The following INPP5A variants were observed in gnomAD, a reference collection of about 807,000 sequenced individuals.
The protein encoded by INPP5A is inositol polyphosphate-5-phosphatase A, also known as 43 kDa inositol polyphosphate 5-phophatase.
In INPP5A, 14 loss-of-function variants were observed where a neutral mutation model predicts 65.2. That is an observed-to-expected ratio of 0.21 (90% CI 0.14 to 0.34). INPP5A has a LOEUF of 0.34. INPP5A is among the 10% of genes least tolerant of loss of function. The pLI, the probability that INPP5A is intolerant of heterozygous loss-of-function variation, is 1.00. For missense variants in INPP5A, 431 were observed against 545.6 expected, an observed-to-expected ratio of 0.79 and a Z score of 2.09; for synonymous variants, 207 against 208.3, an observed-to-expected ratio of 0.99 and a Z score of 0.05.
intron 1 of INPP5A, among the ~76,000 whole-genome samples, chr10:132,589,514 A>T (rs953039751): frequency 3.9e-5 from 6 of 152,384 alleles, no homozygotes; most frequent in Admixed American, 3.9e-4. Flanking sequence ...CACTGGCCAC[A>T]GCCTCCACTG....
At chr10:132,764,056 T>C (rs1231591918) in intron 11 of INPP5A, among the ~76,000 whole-genome samples, 1 of 152,224 alleles carries the variant, frequency 6.6e-6, no homozygotes, top group East Asian at 1.9e-4. Flanking sequence ...AGGGAGTTGC[T>C]CCCTGGAAGG....
chr10:132,735,474 G>A (rs1024412891), intron 9 of INPP5A, among the ~76,000 whole-genome samples: 18 of 152,234 alleles, frequency 1.2e-4, no homozygotes, highest in African/African-American at 4.3e-4. Flanking sequence ...TGGCACGGGC[G>A]CCCTGGGGCG....
In INPP5A at chr10:132,704,006, T is replaced by C. The variant is rs1469338070; in HGVS notation, c.475-4307T>C. On this transcript the variant is annotated intron_variant, in intron 6 of 15. Coordinates refer to ENST00000368594, the MANE Select transcript of INPP5A (RefSeq NM_005539.5). The surrounding 1 kb of genome is among the most constrained non-coding windows in gnomAD (Gnocchi z 4.5). ...CTTCACCCACACACACACGCACGGC[T>C]TCACCCCCCCACACACGCGTGGCTT... Among the ~76,000 whole-genome samples the C allele has an allele frequency of 9.1e-6, 1 of 110,290 alleles. No individual in the cohort carries two copies. Among genetic ancestry groups the C allele is most frequent in the African/African-American group, 3.6e-5 (1 of 27,552 alleles). 72.4% of individuals were successfully genotyped at this position (110,290 alleles called of 152,430 possible).
intron 8 of INPP5A, among the ~76,000 whole-genome samples, chr10:132,723,666 G>T (rs1458584608): frequency 6.6e-6 from 1 of 151,834 alleles, no homozygotes; most frequent in Non-Finnish European, 1.5e-5. Context: ...TTGGCTGTGT[G>T]GGGATTGGCC....
intron 9 of INPP5A, among the ~76,000 whole-genome samples, chr10:132,737,889 T>C (rs1846205892): frequency 6.6e-6 from 1 of 152,256 alleles, no homozygotes; most frequent in African/African-American, 2.4e-5. Flanking sequence ...TACTTAATTA[T>C]AGTGATGACA....
At chr10:132,761,977 G>A (rs928864117) in intron 11 of INPP5A, among the ~76,000 whole-genome samples, 10 of 152,256 alleles carry the variant, frequency 6.6e-5, no homozygotes, top group African/African-American at 2.4e-4. Context: ...AAAAAAAGTA[G>A]GACTCATAGA....
chr10:132,752,987 G>C (rs967072020), intron 11 of INPP5A, among the ~76,000 whole-genome samples: 1 of 152,118 alleles, frequency 6.6e-6, no homozygotes, highest in Non-Finnish European at 1.5e-5. Context: ...GTGTCGATAC[G>C]TCGGGAGTCC....
intron 7 of INPP5A, among the ~76,000 whole-genome samples, chr10:132,708,842 G>A (rs112192583): frequency 2.4e-4 from 37 of 152,256 alleles, no homozygotes; most frequent in East Asian, 1.9e-4. Context: ...CGATAGCGCC[G>A]CCCCACCTTT....
In INPP5A at chr10:132,651,948, G is replaced by A. The variant is rs774175761; in HGVS notation, c.306+1443G>A. Among the ~76,000 whole-genome samples, 36 of 152,132 alleles carry A rather than the reference G, an allele frequency of 2.4e-4. No homozygotes were observed. The highest frequency in any genetic ancestry group is 2.0e-4 in the Admixed American group (3 of 15,274). On this transcript the variant is annotated intron_variant, in intron 4 of 15. Coordinates refer to ENST00000368594, the MANE Select transcript of INPP5A (RefSeq NM_005539.5). The surrounding 1 kb of genome is among the most constrained non-coding windows in gnomAD (Gnocchi z 5.0). ...GCTCTGTGGGGCACACGGGGACCAC[G>A]GGGCCCCCACTCACACCAGAGCCAA...
At chr10:132,731,189 G>A (rs375047621) in intron 9 of INPP5A, among the ~76,000 whole-genome samples, 10 of 152,192 alleles carry the variant, frequency 6.6e-5, no homozygotes, top group East Asian at 3.8e-4. Flanking sequence ...GGTTCCCCCC[G>A]GTGAGAGGTC....
intron 4 of INPP5A, among the ~76,000 whole-genome samples, chr10:132,683,427 C>T (rs538053272): frequency 8.2e-4 from 125 of 152,330 alleles, no homozygotes; most frequent in South Asian, 4.1e-4. Context: ...CACGTGTCTG[C>T]GGTGACACAG....
intron 6 of INPP5A, 100 bp from the exon 7 acceptor site, chr10:132,708,213 T>C (rs1845570037): frequency 9.6e-7 from 1 of 1,040,530 alleles, no homozygotes; most frequent in Non-Finnish European, 1.5e-6. Context: ...TGCTGTTTTT[T>C]GTTTGGAAAG....
intron 2 of INPP5A, among the ~76,000 whole-genome samples, chr10:132,614,889 C>A (rs1299940535): frequency 6.6e-6 from 1 of 152,274 alleles, no homozygotes; most frequent in Non-Finnish European, 1.5e-5. Flanking sequence ...AGTGGACCCT[C>A]CTCGTGGAAT....
rs1008632170 is a variant in INPP5A, at chr10:132,698,147, C to T, written c.474+228C>T. Reference sequence around the variant, plus strand: ...TTAGCACCAAGTAATCAGTAAGTTCCTGAATCCTCATATCCAGGAGAAAGA... The same window carrying T: ...TTAGCACCAAGTAATCAGTAAGTTCTTGAATCCTCATATCCAGGAGAAAGA... On this transcript the variant is annotated intron_variant, in intron 6 of 15. Coordinates refer to ENST00000368594, the MANE Select transcript of INPP5A (RefSeq NM_005539.5). The surrounding 1 kb of genome is among the most constrained non-coding windows in gnomAD (Gnocchi z 5.5). Among the ~76,000 whole-genome samples, 1 of 152,196 alleles carries T rather than the reference C, an allele frequency of 6.6e-6. No homozygotes were observed. Among genetic ancestry groups the T allele is most frequent in the African/African-American group, 2.4e-5 (1 of 41,452 alleles).
chr10:132,779,495 C>T (rs978121296), intron 13 of INPP5A, among the ~76,000 whole-genome samples: 17 of 152,252 alleles, frequency 1.1e-4, no homozygotes, highest in African/African-American at 4.1e-4. Flanking sequence ...ATTGTGCTGC[C>T]GCTGCCAGGG....
intron 2 of INPP5A, among the ~76,000 whole-genome samples, chr10:132,621,244 C>T (rs2072103280): frequency 6.6e-6 from 1 of 152,212 alleles, no homozygotes; most frequent in South Asian, 2.1e-4. Flanking sequence ...CTTACTTCTC[C>T]CATGCAGTAT....
At chr10:132,740,468 A>G (rs1846254264) in intron 9 of INPP5A, among the ~76,000 whole-genome samples, 1 of 152,126 alleles carries the variant, frequency 6.6e-6, no homozygotes, top group Non-Finnish European at 1.5e-5. Context: ...CACCATGACT[A>G]GAAGAATTAT....
intron 11 of INPP5A, among the ~76,000 whole-genome samples, chr10:132,758,447 G>A (rs12778176): frequency 4.0e-5 from 6 of 150,290 alleles, no homozygotes; most frequent in Middle Eastern, 3.4e-3. Context: ...GACCCCACAG[G>A]CCAGTGCGAT....
chr10:132,755,790 C>A (rs1283913985), intron 11 of INPP5A, among the ~76,000 whole-genome samples: 1 of 152,004 alleles, frequency 6.6e-6, no homozygotes, highest in Non-Finnish European at 1.5e-5. Context: ...GGTGCTGACC[C>A]CAGAGGAGGC....
Sources: allele counts gnomAD v4.1 joint callset (sites outside exome capture counted in the v4.1 genomes callset), GRCh38; gene constraint gnomAD v4.1.1; non-coding constraint Gnocchi (gnomAD v3.1); transcripts MANE v1.5; gene names NCBI Gene and HGNC (gene_info 2026-07-23, HGNC 2026-07-21).